TERT: variants seen among roughly 807,000 people sequenced by gnomAD.
TERT encodes telomerase catalytic subunit.
In TERT, 42 loss-of-function variants were observed where a neutral mutation model predicts 104.0. The ratio of observed to expected loss-of-function variants is 0.40; its 90% CI spans 0.32 to 0.52. The LOEUF is 0.52. TERT is among the 20% of genes least tolerant of loss of function. TERT has a pLI of 0.43. For missense variants in TERT, 1,101 were observed against 1,610.3 expected, an observed-to-expected ratio of 0.68 and a Z score of 5.41; for synonymous variants, 781 against 725.6, an observed-to-expected ratio of 1.08 and a Z score of -1.23.
chr5:1,291,642 GGCCAC>G, intron 2 of TERT, among the ~76,000 whole-genome samples: 3 of 148,556 alleles, frequency 2.0e-5, no homozygotes, highest in South Asian at 2.2e-4. Flanking sequence ...GACACCCGGG[GGCCAC>G]ACCTCAATCA....
intron 10 of TERT, among the ~76,000 whole-genome samples, chr5:1,264,993 C>T (rs532439915): frequency 1.9e-4 from 29 of 152,360 alleles, no homozygotes; most frequent in East Asian, 7.7e-4. Context: ...TCTTTTAAGA[C>T]GTTTCTCAAC....
chr5:1,294,709 T>A (rs754145626), intron 1 of TERT, 43 bp from the exon 2 acceptor site: 1 of 1,578,212 alleles, frequency 6.3e-7, no homozygotes, highest in Non-Finnish European at 8.5e-7. Context: ...GCTCTCCGCA[T>A]GTCGCTGGTT....
rs1466834683 is a variant in TERT, at chr5:1,293,956, T to C, written c.930A>G (p.Thr310=). 2 of 1,552,956 alleles carry C rather than the reference T, an allele frequency of 1.3e-6. No homozygotes were observed. The highest frequency in any genetic ancestry group is 8.7e-7 in the Non-Finnish European group (1 of 1,152,190). ...TGTCCCAGGGACGTGGTGGCCGCGA[T>C]GTGGATGGGGGGCCCGCGTGGTGCT... ...GRQHHAGPPS[T]SRPPRPWDTP... The change falls in exon 2 of 16, where the codon ACA becomes ACG. Residue 310 remains threonine (T), a synonymous_variant. Transcript: ENST00000310581.
chr5:1,258,572 G>A lies in TERT; in HGVS notation c.3032+26C>T, dbSNP rs111466735. 2.1e-4 allele frequency: 333 copies of A among 1,557,338 alleles called. No homozygotes were observed. The African/African-American group carries it at 2.5e-3, about 11-fold the overall frequency. ...AGCGCGGAGGGTCCCTGGAGGCTGG[G>A]CCTGCACCCCTTGGTGGCGGCTCAC... On this transcript the variant is annotated intron_variant, in intron 13 of 15. Transcript: ENST00000310581.
In TERT at chr5:1,253,840, C is replaced by T; in HGVS notation, c.3296-9G>A. On this transcript the variant is annotated splice_polypyrimidine_tract_variant and intron_variant, in intron 15 of 15. Transcript: ENST00000310581. The stretch of plus-strand genomic sequence containing the variant: ...ACTCAGCTGCGTCTGGGCTGCGGGG[C>T]CAAAATCAGACTCCGTTCCAGAAGA... 2 of 1,604,678 alleles carry T rather than the reference C, an allele frequency of 1.2e-6. No homozygotes were observed. The highest frequency in any genetic ancestry group is 1.7e-6 in the Non-Finnish European group (2 of 1,177,152).
At position 1,288,612 on chromosome 5, in the gene TERT, G is replaced by A. The variant is rs750312870; in HGVS notation, c.1573+4701C>T. On this transcript the variant is annotated intron_variant, in intron 2 of 15. Coordinates refer to ENST00000310581, the MANE Select transcript of TERT (RefSeq NM_198253.3). This position sits in a 1 kb window ranked among gnomAD's most constrained non-coding sequence, Gnocchi z 5.3. Reference sequence around the variant, plus strand: ...GTTGCCACCCACCCAAGGGGGCCAAGCAGAGGGGCAGCTTGGGAGAAAACA... The same window carrying A: ...GTTGCCACCCACCCAAGGGGGCCAAACAGAGGGGCAGCTTGGGAGAAAACA... Among the ~76,000 whole-genome samples, 1 of 152,114 alleles carries A rather than the reference G, an allele frequency of 6.6e-6. No individual in the cohort carries two copies. The highest frequency in any genetic ancestry group is 1.5e-5 in the Non-Finnish European group (1 of 68,020).
Position 1,279,338 on chromosome 5 carries a change from G to A in TERT, c.2083C>T (p.Leu695=). The A allele has an allele frequency of 6.3e-7, 1 of 1,584,360 alleles. No homozygotes were observed. Among genetic ancestry groups the A allele is most frequent in the Non-Finnish European group, 8.6e-7 (1 of 1,167,560 alleles). The part of the protein sequence containing the change: ...DIHRAWRTFV[L]RVRAQDPPPE... ...GGCGGGTCCTGGGCCCGCACACGCA[G>A]CACGAAGGTGCGCCAGGCCCTGTGG... The change falls in exon 5 of 16, where the codon CTG becomes TTG. Residue 695 remains leucine (L), a synonymous_variant. Transcript: ENST00000310581.
chr5:1,279,618 C>A (rs1038698340), intron 4 of TERT, 148 bp from the exon 5 acceptor site: 1 of 809,886 alleles, frequency 1.2e-6, no homozygotes, highest in Non-Finnish European at 2.1e-6. Context: ...CTTCCTCAGA[C>A]CCTGTTTGAA....
At chr5:1,275,726 C>T (rs1268185292) in intron 6 of TERT, among the ~76,000 whole-genome samples, 2 of 131,632 alleles carry the variant, frequency 1.5e-5, no homozygotes, top group African/African-American at 5.8e-5. Context: ...AAACCAATCC[C>T]ACAGATCCCC....
Position 1,268,503 on chromosome 5 carries a change from G to A in TERT, c.2582+17C>T, listed in dbSNP as rs149583527. 266 of 1,605,196 alleles carry A rather than the reference G, an allele frequency of 1.7e-4. No individual in the cohort carries two copies. The highest frequency in any genetic ancestry group is 2.1e-4 in the Non-Finnish European group (242 of 1,173,254). ...TCAACCCCCACCCAAGCCCCCCTGGGGAAGAGGAGGCCTCACCCGTCCCGC... is the reference window on the plus strand; with the variant it reads ...TCAACCCCCACCCAAGCCCCCCTGGAGAAGAGGAGGCCTCACCCGTCCCGC... On this transcript the variant is annotated intron_variant, in intron 9 of 15. Coordinates refer to ENST00000310581, the MANE Select transcript of TERT (RefSeq NM_198253.3). This position sits in a 1 kb window ranked among gnomAD's most constrained non-coding sequence, Gnocchi z 5.5.
chr5:1,259,280 C>G (rs375449137), intron 12 of TERT, among the ~76,000 whole-genome samples: 1 of 121,012 alleles, frequency 8.3e-6, no homozygotes, highest in African/African-American at 3.3e-5. Context: ...AGGGAGTGGA[C>G]GCGGATGCCC....
rs1579599228 is a variant in TERT at position 1,294,854 on chromosome 5, C to A, written c.136G>T (p.Ala46Ser). The change falls in exon 1 of 16, where the codon GCT becomes TCT. Residue 46 changes from alanine to serine, a missense_variant. Physicochemically the swap from Ala to Ser is moderately conservative, Grantham distance 99. Around this residue, in one of 5 missense-constraint regions of TERT, gnomAD observed 87 missense variants for 145.4 expected, o/e 0.60. Coordinates refer to ENST00000310581, the MANE Select transcript of TERT (RefSeq NM_198253.3). ...WRLVQRGDPA[A>S]FRALVAQCLV... ...CACTGGGCCACCAGCGCGCGGAAAG[C>A]CGCCGGGTCCCCGCGCTGCACCAGC... 2 of 1,456,864 alleles carry A rather than the reference C, an allele frequency of 1.4e-6. No individual in the cohort carries two copies. The highest frequency in any genetic ancestry group is 1.8e-6 in the Non-Finnish European group (2 of 1,113,116). 90.2% of individuals were successfully genotyped at this position (1,456,864 alleles called of 1,614,324 possible). A position where few individuals can be genotyped will look rare whatever the true frequency, so the allele number is the denominator to read the frequency against.
rs998291997 is a variant in TERT at position 1,255,502 on chromosome 5, G to C, written c.3033-91C>G. 1.1e-5 allele frequency: 17 copies of C among 1,491,204 alleles called. No homozygotes were observed. The Admixed American group carries it at 2.0e-4, about 18-fold the overall frequency. 92.4% of individuals were successfully genotyped at this position (1,491,204 alleles called of 1,614,324 possible). A position where few individuals can be genotyped will look rare whatever the true frequency, so the allele number is the denominator to read the frequency against. ...CATGGGCCCACCGGTGCCTGTGTGCGTGCATGAATGCACATGCATGGGTTT... is the reference window on the plus strand; with the variant it reads ...CATGGGCCCACCGGTGCCTGTGTGCCTGCATGAATGCACATGCATGGGTTT... On this transcript the variant is annotated intron_variant, in intron 13 of 15. Coordinates refer to ENST00000310581, the MANE Select transcript of TERT (RefSeq NM_198253.3). The surrounding 1 kb of genome is among the most constrained non-coding windows in gnomAD (Gnocchi z 6.9).
rs1290199275 is a variant in TERT at position 1,257,136 on chromosome 5, C to A, written c.3032+1462G>T. ...TCCTCAGGGCTACCCAATCAAGCGACTACCCAAGGGTCCCCACATGGGTGG... is the reference window on the plus strand; with the variant it reads ...TCCTCAGGGCTACCCAATCAAGCGAATACCCAAGGGTCCCCACATGGGTGG... On this transcript the variant is annotated intron_variant, in intron 13 of 15. Coordinates refer to ENST00000310581, the MANE Select transcript of TERT (RefSeq NM_198253.3). This position sits in a 1 kb window ranked among gnomAD's most constrained non-coding sequence, Gnocchi z 5.6. Among the ~76,000 whole-genome samples the A allele has an allele frequency of 3.3e-5, 5 of 152,206 alleles. No homozygotes were observed. The highest frequency in any genetic ancestry group is 7.3e-5 in the Non-Finnish European group (5 of 68,038).
At chr5:1,267,556 T>C (rs1234005844) in intron 9 of TERT, among the ~76,000 whole-genome samples, 1 of 152,242 alleles carries the variant, frequency 6.6e-6, no homozygotes, top group Non-Finnish European at 1.5e-5. Flanking sequence ...GCGGCACTAT[T>C]CACAGTAGCA....
At chr5:1,266,681 T>G (rs1748630655) in intron 9 of TERT, 146 bp from the exon 10 acceptor site, 1 of 748,418 alleles carries the variant, frequency 1.3e-6, no homozygotes, top group Non-Finnish European at 2.4e-6. Flanking sequence ...TTAAATTTCT[T>G]TCCAACAGAC....
At chr5:1,293,245 C>T (rs1339266210) in intron 2 of TERT, 68 bp downstream of exon 2, 2 of 1,587,034 alleles carry the variant, frequency 1.3e-6, no homozygotes, top group African/African-American at 1.3e-5. Flanking sequence ...CTCTGCCTGC[C>T]CCCTTTTCTG....
In TERT at chr5:1,272,283, G is replaced by GGCTCTTGAAGGCCTTGCGGA. The variant is rs767797406; in HGVS notation, c.2287-4_2287-3insTCCGCAAGGCCTTCAAGAGC. 1 of 1,609,254 alleles carries GGCTCTTGAAGGCCTTGCGGA rather than the reference G, an allele frequency of 6.2e-7. No individual in the cohort carries two copies. Among genetic ancestry groups the GGCTCTTGAAGGCCTTGCGGA allele is most frequent in the South Asian group, 1.1e-5 (1 of 90,288 alleles). ...TGGAGGTCTGTCAAGGTAGAGACCT[G>GGCTCTTGAAGGCCTTGCGGA]CCGGCAGAGGAGAGGGCATGAGCCA... On this transcript the variant is annotated splice_polypyrimidine_tract_variant and splice_region_variant and intron_variant, in intron 6 of 15. Coordinates refer to ENST00000310581, the MANE Select transcript of TERT (RefSeq NM_198253.3).
rs370808390 is a variant in TERT at position 1,278,644 on chromosome 5, G to A, written c.2283C>T (p.Ser761=). The change falls in exon 6 of 16, where the codon AGC becomes AGT. Residue 761 remains serine (S), a synonymous_variant. Transcript: ENST00000310581. ...AHGHVRKAFK[S]HVSTLTDLQP... is the part of the protein sequence containing the mutation. ...GACTATCACACGTGAACCTTACGTG[G>A]CTCTTGAAGGCCTTGCGGACGTGCC... 329 of 1,614,008 alleles carry A rather than the reference G, an allele frequency of 2.0e-4. No homozygotes were observed. Among genetic ancestry groups the A allele is most frequent in the Non-Finnish European group, 2.7e-4 (324 of 1,180,054 alleles).
Sources: gnomAD v4.1 joint callset for allele counts (sites outside exome capture counted in the v4.1 genomes callset) on GRCh38, gnomAD v4.1.1 for gene constraint, gnomAD v4.1.1 regional missense constraint, Gnocchi (gnomAD v3.1) non-coding constraint, MANE v1.5 for transcripts, NCBI Gene and HGNC (gene_info 2026-07-23, HGNC 2026-07-21) for gene names.